SGPP1: variants seen among roughly 807,000 people sequenced by gnomAD.
SGPP1 encodes the protein sphingosine-1-phosphate phosphatase 1, also known as hSPP1.
In SGPP1, 21 loss-of-function variants were observed where a neutral mutation model predicts 33.0. The observed-to-expected ratio is 0.64, with a 90% confidence interval of 0.45 to 0.92. The LOEUF (loss-of-function observed/expected upper bound fraction) is 0.92. SGPP1 is among the 40% of genes least tolerant of loss of function. The pLI, the probability that SGPP1 is intolerant of heterozygous loss-of-function variation, is 0.00. For missense variants in SGPP1, 543 were observed against 589.4 expected (o/e 0.92, Z 0.81); for synonymous variants, 239 against 241.2 (o/e 0.99, Z 0.08).
chr14:63,712,197 T>TA (rs1885536445), intron 1 of SGPP1, among the ~76,000 whole-genome samples: 1 of 152,234 alleles, frequency 6.6e-6, no homozygotes, highest in African/African-American at 2.4e-5. Context: ...TTTCTTTTTT[T>TA]AATTTATTTT....
intron 1 of SGPP1, among the ~76,000 whole-genome samples, chr14:63,724,288 A>T (rs1178491699): frequency 6.6e-6 from 1 of 152,150 alleles, no homozygotes; most frequent in African/African-American, 2.4e-5. Flanking sequence ...CAGAAACATT[A>T]AGTAGTAGGT....
chr14:63,708,010 C>T (rs1237622086), intron 1 of SGPP1, among the ~76,000 whole-genome samples: 1 of 152,128 alleles, frequency 6.6e-6, no homozygotes, highest in African/African-American at 2.4e-5. Context: ...AACTCAAATT[C>T]TGTCTTTCCC....
At chr14:63,713,413 C>A (rs1885561716) in intron 1 of SGPP1, among the ~76,000 whole-genome samples, 1 of 152,178 alleles carries the variant, frequency 6.6e-6, no homozygotes, top group Non-Finnish European at 1.5e-5. Flanking sequence ...CTGCCATTGA[C>A]ACTAAGTCAG....
chr14:63,704,519 G>A (rs2139641372), intron 1 of SGPP1, among the ~76,000 whole-genome samples: 1 of 152,184 alleles, frequency 6.6e-6, no homozygotes, highest in South Asian at 2.1e-4. Context: ...CTCAAAATGG[G>A]TCAACAACTT....
At chr14:63,691,755 G>C (rs1885098125) in intron 2 of SGPP1, among the ~76,000 whole-genome samples, 1 of 152,170 alleles carries the variant, frequency 6.6e-6, no homozygotes, top group East Asian at 1.9e-4. Context: ...TGTACACCCT[G>C]GTTGAAAACA....
At chr14:63,709,288 C>T (rs560228458) in intron 1 of SGPP1, among the ~76,000 whole-genome samples, 3 of 151,710 alleles carry the variant, frequency 2.0e-5, no homozygotes, top group Admixed American at 6.6e-5. Context: ...GCAGGAGAAT[C>T]GCTTGAACCC....
At chr14:63,697,309 A>T (rs1026680862) in intron 2 of SGPP1, among the ~76,000 whole-genome samples, 4 of 152,156 alleles carry the variant, frequency 2.6e-5, no homozygotes, top group Admixed American at 6.5e-5. Flanking sequence ...GGAAGCAAGA[A>T]ATTTGAGATA....
intron 2 of SGPP1, among the ~76,000 whole-genome samples, chr14:63,693,748 G>C (rs931657168): frequency 6.6e-6 from 1 of 151,924 alleles, no homozygotes; most frequent in Non-Finnish European, 1.5e-5. Context: ...TGAGTAGCTG[G>C]GATTACAGGT....
chr14:63,715,026 CTTT>C (rs1164699481), intron 1 of SGPP1, among the ~76,000 whole-genome samples: 2 of 132,694 alleles, frequency 1.5e-5, no homozygotes, highest in Admixed American at 7.9e-5. Context: ...CCCAGCCGAC[CTTT>C]TTTTTTTTTT....
chr14:63,711,922 G>A (rs1204966351), intron 1 of SGPP1, among the ~76,000 whole-genome samples: 1 of 151,520 alleles, frequency 6.6e-6, no homozygotes, highest in African/African-American at 2.4e-5. Flanking sequence ...CCCAGCTACT[G>A]GGGAGGCTGA....
chr14:63,704,544 A>C (rs1460164540), intron 1 of SGPP1, among the ~76,000 whole-genome samples: 1 of 152,170 alleles, frequency 6.6e-6, no homozygotes, highest in Admixed American at 6.5e-5. Context: ...ATAGCAGCTA[A>C]AAACTTTTAG....
At chr14:63,721,387 T>C (rs979550391) in intron 1 of SGPP1, among the ~76,000 whole-genome samples, 1 of 151,602 alleles carries the variant, frequency 6.6e-6, no homozygotes, top group Admixed American at 6.6e-5. Context: ...GAGGTTGTAG[T>C]GAGCCACGAT....
chr14:63,719,322 TTTTAA>T (rs1243141906), intron 1 of SGPP1, among the ~76,000 whole-genome samples: 6 of 151,826 alleles, frequency 4.0e-5, no homozygotes, highest in Non-Finnish European at 8.8e-5. Flanking sequence ...AATTATTTTT[TTTTAA>T]TTTAAGAAAA....
chr14:63,684,589 T>G lies in SGPP1; in HGVS notation c.*1516A>C, dbSNP rs532879994. ...ATTATAAAAATATGAGCTCAAATAG[T>G]TATGGTGCCCAAAATAGAAACATCT... On this transcript the variant is annotated 3_prime_UTR_variant, in exon 3 of 3. Coordinates refer to ENST00000247225, the MANE Select transcript of SGPP1 (RefSeq NM_030791.4). 1 of 152,606 alleles carries G rather than the reference T, an allele frequency of 6.6e-6. No individual in the cohort carries two copies. Among genetic ancestry groups the G allele is most frequent in the East Asian group, 1.9e-4 (1 of 5,188 alleles). 9.5% of individuals were successfully genotyped at this position (152,606 alleles called of 1,614,324 possible).
At chr14:63,702,709 A>T (rs190421548) in intron 1 of SGPP1, among the ~76,000 whole-genome samples, 1 of 151,576 alleles carries the variant, frequency 6.6e-6, no homozygotes, top group Non-Finnish European at 1.5e-5. Context: ...GACTCTGTCT[A>T]AAAAAAAATT....
At chr14:63,690,240 G>A (rs980103006) in intron 2 of SGPP1, among the ~76,000 whole-genome samples, 8 of 152,102 alleles carry the variant, frequency 5.3e-5, no homozygotes, top group African/African-American at 1.9e-4. Flanking sequence ...ACAAGGTTTT[G>A]TCATGTTGCC....
intron 2 of SGPP1, among the ~76,000 whole-genome samples, chr14:63,688,912 G>A (rs1322711552): frequency 5.3e-5 from 8 of 151,752 alleles, no homozygotes; most frequent in African/African-American, 1.2e-4. Context: ...TAGTAGAGAC[G>A]GGGTTTCACC....
At chr14:63,725,666 A>G (rs1402214423) in intron 1 of SGPP1, among the ~76,000 whole-genome samples, 1 of 152,244 alleles carries the variant, frequency 6.6e-6, no homozygotes, top group Non-Finnish European at 1.5e-5. Context: ...TAGAATATCA[A>G]TATCCCATAA....
intron 1 of SGPP1, among the ~76,000 whole-genome samples, chr14:63,703,712 G>C (rs1885347791): frequency 6.8e-6 from 1 of 147,884 alleles, no homozygotes; most frequent in Admixed American, 6.8e-5. Context: ...CATGTTTATG[G>C]ATTAGAAGAC....
Sources: gnomAD v4.1 joint callset for allele counts (sites outside exome capture counted in the v4.1 genomes callset) on GRCh38, gnomAD v4.1.1 for gene constraint, MANE v1.5 for transcripts, NCBI Gene and HGNC (gene_info 2026-07-23, HGNC 2026-07-21) for gene names.